Variants in COP1 observed in about 807,000 individuals in gnomAD.
COP1 encodes COP1 E3 ubiquitin ligase.
A neutral mutation model predicts 101.3 loss-of-function variants in COP1; 24 were observed. The observed-to-expected ratio is 0.24, with a 90% CI of 0.17 to 0.33. The LOEUF (loss-of-function observed/expected upper bound fraction) is 0.33. COP1 is among the 10% of genes least tolerant of loss of function. The pLI is 1.00. For missense variants in COP1, 663 were observed against 906.2 expected (o/e 0.73, Z 3.45); for synonymous variants, 347 against 341.9 (o/e 1.01, Z -0.17).
intron 15 of COP1, 116 bp downstream of exon 15, chr1:176,027,456 A>G (rs1306690227): frequency 4.2e-6 from 3 of 706,142 alleles, no homozygotes; most frequent in Admixed American, 2.0e-5. Flanking sequence ...TTAGAGCCTA[A>G]TAATAAAAAC....
intron 18 of COP1, among the ~76,000 whole-genome samples, chr1:175,983,646 T>C (rs112515395): frequency 0.28 from 42,758 of 151,978 alleles, 6,812 homozygotes; most frequent in East Asian, 0.49. Flanking sequence ...GTTGGAACAG[T>C]TTAGAGGGTT....
intron 11 of COP1, among the ~76,000 whole-genome samples, chr1:176,062,145 C>T (rs965022027): frequency 1.1e-4 from 16 of 152,020 alleles, no homozygotes; most frequent in Admixed American, 1.3e-4. Flanking sequence ...GGACTACAGG[C>T]GCCCGCCAGC....
intron 9 of COP1, among the ~76,000 whole-genome samples, chr1:176,096,963 C>A (rs571928785): frequency 1.3e-5 from 2 of 152,076 alleles, no homozygotes; most frequent in South Asian, 2.1e-4. Flanking sequence ...GGGAATGAGT[C>A]CTTTTTGGTT....
At chr1:175,991,575 G>C (rs1658474746) in intron 15 of COP1, among the ~76,000 whole-genome samples, 1 of 152,134 alleles carries the variant, frequency 6.6e-6, no homozygotes, top group Non-Finnish European at 1.5e-5. Context: ...TTACCTTACA[G>C]TGATTTTCTG....
intron 9 of COP1, among the ~76,000 whole-genome samples, chr1:176,115,375 A>G (rs1457009638): frequency 2.6e-5 from 4 of 152,130 alleles, no homozygotes; most frequent in Non-Finnish European, 1.5e-5. Context: ...GCTTGAACCC[A>G]GAAGGCAGAG....
intron 1 of COP1, among the ~76,000 whole-genome samples, chr1:176,200,731 T>G (rs2102266366): frequency 6.6e-6 from 1 of 151,866 alleles, no homozygotes; most frequent in South Asian, 2.1e-4. Flanking sequence ...ATATATTGTT[T>G]GAGAAAGTAC....
intron 11 of COP1, 75 bp downstream of exon 11, chr1:176,081,077 G>A: frequency 7.8e-7 from 1 of 1,277,628 alleles, no homozygotes; most frequent in Non-Finnish European, 1.1e-6. Context: ...AATAATAATG[G>A]TATAAGTGCT....
intron 9 of COP1, among the ~76,000 whole-genome samples, chr1:176,112,858 C>T (rs1685529665): frequency 6.6e-6 from 1 of 152,064 alleles, no homozygotes; most frequent in South Asian, 2.1e-4. Flanking sequence ...ATATAATGAC[C>T]TCCAGTTCCA....
intron 5 of COP1, among the ~76,000 whole-genome samples, chr1:176,151,873 T>C (rs942069195): frequency 6.6e-6 from 1 of 152,100 alleles, no homozygotes; most frequent in Non-Finnish European, 1.5e-5. Context: ...CAGGTTTAGT[T>C]AGCATAAGTT....
chr1:176,015,404 G>C (rs901215240), intron 15 of COP1, among the ~76,000 whole-genome samples: 1 of 151,830 alleles, frequency 6.6e-6, no homozygotes, highest in African/African-American at 2.4e-5. Context: ...AGGTCTGGTA[G>C]AAAGACAGAC....
In COP1 at chr1:176,027,789, T is replaced by C. The variant is rs1225412209; in HGVS notation, c.1613-101A>G. The C allele has an allele frequency of 3.7e-5, 26 of 711,554 alleles. No homozygotes were observed. In the South Asian group the frequency reaches 3.9e-4, roughly 11 times the overall value. 44.1% of individuals were successfully genotyped at this position (711,554 alleles called of 1,614,324 possible). A position where few individuals can be genotyped will look rare whatever the true frequency, so the allele number is the denominator to read the frequency against. Reference sequence around the variant, plus strand: ...TTGGCTTATTGCTCCAGAAATCTTTTTGTGCCACTCTAAAACATTTGGTTT... The same window carrying C: ...TTGGCTTATTGCTCCAGAAATCTTTCTGTGCCACTCTAAAACATTTGGTTT... On this transcript the variant is annotated intron_variant, in intron 14 of 19. Transcript: ENST00000367669.
At chr1:175,964,074 C>G (rs1651708673) in intron 18 of COP1, among the ~76,000 whole-genome samples, 1 of 152,102 alleles carries the variant, frequency 6.6e-6, no homozygotes, top group African/African-American at 2.4e-5. Flanking sequence ...AATTTTATTT[C>G]AGAATATTAC....
chr1:176,051,849 G>C (rs1193726650), intron 11 of COP1, among the ~76,000 whole-genome samples: 3 of 151,866 alleles, frequency 2.0e-5, no homozygotes, highest in Non-Finnish European at 2.9e-5. Flanking sequence ...TATGAAGAAA[G>C]GATATATTTT....
chr1:176,076,257 A>T (rs1369540265), intron 11 of COP1, among the ~76,000 whole-genome samples: 1 of 152,130 alleles, frequency 6.6e-6, no homozygotes, highest in Admixed American at 6.6e-5. Context: ...AAAAAATCAT[A>T]ATCACACCAA....
At chr1:176,204,694 C>T (rs1020009333) in intron 1 of COP1, among the ~76,000 whole-genome samples, 1 of 152,124 alleles carries the variant, frequency 6.6e-6, no homozygotes, top group African/African-American at 2.4e-5. Context: ...GAGGCCGAGG[C>T]GAGCAGATCA....
At chr1:176,057,331 C>G (rs1673719483) in intron 11 of COP1, among the ~76,000 whole-genome samples, 1 of 152,108 alleles carries the variant, frequency 6.6e-6, no homozygotes, top group Non-Finnish European at 1.5e-5. Flanking sequence ...CTCCCTCTCC[C>G]TCTCCCCACG....
intron 19 of COP1, among the ~76,000 whole-genome samples, chr1:175,946,964 C>A (rs1649251408): frequency 6.6e-6 from 1 of 152,190 alleles, no homozygotes; most frequent in Non-Finnish European, 1.5e-5. Flanking sequence ...GTTTTTCAAA[C>A]TGACCATCTA....
intron 11 of COP1, among the ~76,000 whole-genome samples, chr1:176,059,362 C>CA (rs1287072413): frequency 6.6e-6 from 1 of 152,188 alleles, no homozygotes; most frequent in African/African-American, 2.4e-5. Flanking sequence ...TTTAACCATA[C>CA]AGAATAGGTA....
intron 19 of COP1, 79 bp downstream of exon 19, chr1:175,947,116 A>G: frequency 1.0e-6 from 1 of 970,716 alleles, no homozygotes; most frequent in Non-Finnish European, 1.7e-6. Context: ...AAGGCTCAGT[A>G]CAATGGTGTA....
Sources: gnomAD v4.1 joint callset for allele counts (sites outside exome capture counted in the v4.1 genomes callset) on GRCh38, gnomAD v4.1.1 for gene constraint, MANE v1.5 for transcripts, NCBI Gene and HGNC (gene_info 2026-07-23, HGNC 2026-07-21) for gene names.